Variants in SPIDR observed in about 807,000 individuals in gnomAD.
SPIDR encodes the protein DNA repair-scaffolding protein.
SPIDR carries 93 observed loss-of-function variants against 104.6 expected under a neutral mutation model. The ratio of observed to expected loss-of-function variants is 0.89; its 90% CI spans 0.75 to 1.06. The LOEUF is 1.06. SPIDR is among the 50% of genes least tolerant of loss of function. The probability of loss-of-function intolerance (pLI) is 0.00; values close to 1 mark genes in which losing one functional copy is unlikely to be tolerated. For missense variants in SPIDR, 1,154 were observed against 1,111.2 expected (o/e 1.04, Z -0.55); for synonymous variants, 431 against 416.9 (o/e 1.03, Z -0.41).
chr8:47,612,771 G>A (rs1194980813), intron 10 of SPIDR, among the ~76,000 whole-genome samples: 1 of 152,172 alleles, frequency 6.6e-6, no homozygotes, highest in African/African-American at 2.4e-5. Context: ...TGGACAGAGT[G>A]TGCTCTGTTA....
chr8:47,561,377 T>C (rs1431335024), intron 8 of SPIDR, among the ~76,000 whole-genome samples: 1 of 152,186 alleles, frequency 6.6e-6, no homozygotes, highest in Admixed American at 6.5e-5. Context: ...ATTTGCTTCT[T>C]CCTCTGAACT....
intron 5 of SPIDR, among the ~76,000 whole-genome samples, chr8:47,344,328 A>G (rs1396579528): frequency 3.9e-5 from 6 of 152,108 alleles, no homozygotes. Flanking sequence ...ATGGTATTCC[A>G]TGGTGTATAT....
intron 5 of SPIDR, among the ~76,000 whole-genome samples, chr8:47,311,418 T>TA (rs1563566752): frequency 6.6e-6 from 1 of 151,974 alleles, no homozygotes; most frequent in Non-Finnish European, 1.5e-5. Flanking sequence ...CCTAAATTGG[T>TA]AAAAAACATG....
At position 47,279,971 on chromosome 8, in the gene SPIDR, C is replaced by T; in HGVS notation, c.143C>T (p.Ala48Val). 1 of 1,614,198 alleles carries T rather than the reference C, an allele frequency of 6.2e-7. No individual in the cohort carries two copies. Among genetic ancestry groups the T allele is most frequent in the Non-Finnish European group, 8.5e-7 (1 of 1,180,026 alleles). ...TAGAAASLSE[A>V]WLRCGEGFQN... The stretch of plus-strand genomic sequence containing the variant: ...GGGGCAGCTGCCTCTCTCTCTGAAG[C>T]ATGGCTCAGGTGTGGAGAAGGGTTT... The change falls in exon 2 of 20, where the codon GCA becomes GTA. Residue 48 changes from alanine (A) to valine (V), a missense_variant. Physicochemically the swap from Ala to Val is moderately conservative, Grantham distance 64 (BLOSUM62 0). Transcript: ENST00000297423.
chr8:47,616,009 A>G (rs59656826), intron 10 of SPIDR, among the ~76,000 whole-genome samples: 8,023 of 151,948 alleles, frequency 0.053, 712 homozygotes, highest in African/African-American at 0.18. Flanking sequence ...AAAACAACTT[A>G]TTTTTGTTTG....
At chr8:47,304,473 C>T (rs1434977010) in intron 5 of SPIDR, among the ~76,000 whole-genome samples, 2 of 152,038 alleles carry the variant, frequency 1.3e-5, no homozygotes, top group Non-Finnish European at 2.9e-5. Flanking sequence ...TTGAGACCGA[C>T]CTGGCCAACA....
chr8:47,629,682 A>G (rs187556009), intron 10 of SPIDR, among the ~76,000 whole-genome samples: 16 of 152,322 alleles, frequency 1.1e-4, no homozygotes, highest in Admixed American at 8.5e-4. Flanking sequence ...AACCTAGGAG[A>G]GGTGGAGGTT....
At chr8:47,584,158 G>A (rs2060028485) in intron 8 of SPIDR, among the ~76,000 whole-genome samples, 1 of 152,130 alleles carries the variant, frequency 6.6e-6, no homozygotes, top group Admixed American at 6.5e-5. Context: ...CGTTATATTT[G>A]TGACTAAAAT....
chr8:47,334,091 C>T (rs528819224), intron 5 of SPIDR, among the ~76,000 whole-genome samples: 420 of 152,226 alleles, frequency 2.8e-3, no homozygotes, highest in African/African-American at 9.8e-3. Flanking sequence ...TGGGATGTTC[C>T]ATGTATCTTT....
At position 47,279,912 on chromosome 8, in the gene SPIDR, A is replaced by T; in HGVS notation, c.84A>T (p.Pro28=). 1 of 1,613,946 alleles carries T rather than the reference A, an allele frequency of 6.2e-7. No individual in the cohort carries two copies. The highest frequency in any genetic ancestry group is 8.5e-7 in the Non-Finnish European group (1 of 1,179,874). ...GCCCATCCTTTCCAGGAGAAAGACC[A>T]CTGCAGGTCAGAAGAGCAGGTCTCA... ...TECPSFPGER[P]LQVRRAGLRT... The change falls in exon 2 of 20, where the codon CCA becomes CCT. Residue 28 remains proline (P), a synonymous_variant. Coordinates refer to ENST00000297423, the MANE Select transcript of SPIDR (RefSeq NM_001080394.4).
intron 10 of SPIDR, among the ~76,000 whole-genome samples, chr8:47,653,225 G>T (rs1766846604): frequency 6.6e-6 from 1 of 152,138 alleles, no homozygotes; most frequent in East Asian, 1.9e-4. Context: ...CTCAGGGGAA[G>T]CTGTAGGACA....
At chr8:47,663,051 T>C (rs2074368569) in intron 10 of SPIDR, among the ~76,000 whole-genome samples, 1 of 152,240 alleles carries the variant, frequency 6.6e-6, no homozygotes, top group Non-Finnish European at 1.5e-5. Context: ...ACCTGTCTTG[T>C]CTTTCTTATT....
At chr8:47,427,712 T>C (rs1355684469) in intron 7 of SPIDR, among the ~76,000 whole-genome samples, 1 of 152,168 alleles carries the variant, frequency 6.6e-6, no homozygotes, top group Non-Finnish European at 1.5e-5. Context: ...GAGCAGTGGA[T>C]GTGGTGCCCC....
At chr8:47,672,118 C>G (rs958844031) in intron 10 of SPIDR, among the ~76,000 whole-genome samples, 2 of 152,144 alleles carry the variant, frequency 1.3e-5, no homozygotes, top group African/African-American at 4.8e-5. Flanking sequence ...CCATCATACC[C>G]AGCTAAATTT....
chr8:47,699,232 C>G (rs182208461), intron 11 of SPIDR, among the ~76,000 whole-genome samples: 2 of 152,180 alleles, frequency 1.3e-5, no homozygotes, highest in Admixed American at 6.5e-5. Flanking sequence ...TCACTCTGAG[C>G]GTAGAAACCT....
intron 8 of SPIDR, among the ~76,000 whole-genome samples, chr8:47,560,610 A>G (rs1233726774): frequency 6.6e-6 from 1 of 152,076 alleles, no homozygotes; most frequent in Non-Finnish European, 1.5e-5. Flanking sequence ...ACAGAATTAC[A>G]TGTTCATTGT....
At chr8:47,574,615 T>A (rs1255932208) in intron 8 of SPIDR, among the ~76,000 whole-genome samples, 1 of 150,692 alleles carries the variant, frequency 6.6e-6, no homozygotes, top group Non-Finnish European at 1.5e-5. Context: ...AAAATAAAAA[T>A]AAAAAAAAAT....
chr8:47,692,380 C>G (rs1243731126), intron 11 of SPIDR, among the ~76,000 whole-genome samples: 1 of 151,210 alleles, frequency 6.6e-6, no homozygotes, highest in Non-Finnish European at 1.5e-5. Context: ...TTTGCCCGTT[C>G]TGGACGTTTC....
chr8:47,400,602 A>G (rs1419316881), intron 6 of SPIDR, among the ~76,000 whole-genome samples: 1 of 151,968 alleles, frequency 6.6e-6, no homozygotes, highest in Non-Finnish European at 1.5e-5. Flanking sequence ...AGGATGGAGC[A>G]CATTGGCCCT....
Sources: allele counts gnomAD v4.1 joint callset (sites outside exome capture counted in the v4.1 genomes callset), GRCh38; gene constraint gnomAD v4.1.1; transcripts MANE v1.5; gene names NCBI Gene and HGNC (gene_info 2026-07-23, HGNC 2026-07-21).